Variants in ATP10B observed in about 807,000 individuals in gnomAD.
ATP10B encodes phospholipid-transporting ATPase VB.
Under a neutral mutation model 141.2 loss-of-function variants are expected in ATP10B, and 122 were observed. The ratio of observed to expected loss-of-function variants is 0.86; its 90% CI spans 0.75 to 1.00. ATP10B has a LOEUF of 1.00. Ranked by LOEUF, ATP10B falls within the 50% of genes least tolerant of loss-of-function variation. ATP10B has a pLI of 0.00. For missense variants in ATP10B, 1,876 were observed against 1,825.3 expected (o/e 1.03, Z -0.51); for synonymous variants, 685 against 692.0 (o/e 0.99, Z 0.16).
At chr5:160,636,395 AG>A in intron 10 of ATP10B, 86 bp from the exon 11 acceptor site, 1 of 1,438,530 alleles carries the variant, frequency 7.0e-7, no homozygotes, top group Non-Finnish European at 9.5e-7. Context: ...ACACATTCCT[AG>A]AAATGGGTGT....
chr5:160,634,462 C>T lies in ATP10B; in HGVS notation c.1273G>A (p.Gly425Ser), dbSNP rs1405930204. 2 of 1,614,082 alleles carry T rather than the reference C, an allele frequency of 1.2e-6. No individual in the cohort carries two copies. The highest frequency in any genetic ancestry group is 1.7e-6 in the Non-Finnish European group (2 of 1,180,004). The change falls in exon 12 of 26, where the codon GGC (glycine) becomes AGC (serine). Residue 425 changes from glycine (G) to serine (S), a missense_variant. By Grantham distance (56) the Gly-to-Ser change is moderately conservative. Transcript: ENST00000327245. Reference sequence around the variant, plus strand: ...TCGGAGAAGATGTACTGGATCTGGCCCAAGTCCTCTGCGATGTTGAGGGCT... The same window carrying T: ...TCGGAGAAGATGTACTGGATCTGGCTCAAGTCCTCTGCGATGTTGAGGGCT... ...CRALNIAEDL[G>S]QIQYIFSDKT...
At chr5:160,612,642 T>C (rs1284898023) in intron 18 of ATP10B, 99 bp downstream of exon 18, 2 of 1,088,782 alleles carry the variant, frequency 1.8e-6, no homozygotes, top group East Asian at 5.0e-5. Flanking sequence ...GGTGCTTCCC[T>C]GGTGTACCCA....
chr5:160,900,190 A>G, the ATP10B span, among the ~76,000 whole-genome samples: 6 of 152,210 alleles, frequency 3.9e-5, no homozygotes, highest in East Asian at 9.6e-4. Flanking sequence ...GTAGTTCTCC[A>G]GGTTATGGAC....
chr5:160,722,718 A>C (rs1267402814), intron 2 of ATP10B, among the ~76,000 whole-genome samples: 2 of 152,236 alleles, frequency 1.3e-5, no homozygotes, highest in Admixed American at 6.5e-5. Flanking sequence ...CTTCACCCTG[A>C]CAAGGGGCCT....
In ATP10B at chr5:160,569,604, A is replaced by C. The variant is rs1438374300; in HGVS notation, c.3830T>G (p.Val1277Gly). 6.2e-7 allele frequency: 1 copy of C among 1,613,712 alleles called. No individual in the cohort carries two copies. The highest frequency in any genetic ancestry group is 1.7e-5 in the Admixed American group (1 of 59,960). The change falls in exon 25 of 26, where the codon GTC (valine) becomes GGC (glycine). Residue 1277 changes from valine to glycine, a missense_variant. Transcript: ENST00000327245. Reference sequence around the variant, plus strand: ...GGGATTGGTGGGGCTGTTGCAGATGACGCAGGTGGCATTGTACAGGAGGGA... The same window carrying C: ...GGGATTGGTGGGGCTGTTGCAGATGCCGCAGGTGGCATTGTACAGGAGGGA... ...LVSLLYNATC[V>G]ICNSPTNPYW... is the part of the protein sequence containing the mutation.
chr5:160,652,903 ATATATACATG>A (rs1209638903), intron 7 of ATP10B, among the ~76,000 whole-genome samples: 1 of 69,162 alleles, frequency 1.4e-5, no homozygotes, highest in African/African-American at 7.7e-5. Flanking sequence ...ATAATATATT[ATATATACATG>A]TATATATAAT....
chr5:160,661,904 G>T (rs924949168), intron 7 of ATP10B, among the ~76,000 whole-genome samples: 4 of 152,156 alleles, frequency 2.6e-5, no homozygotes, highest in Admixed American at 6.5e-5. Context: ...AAGCCCCATC[G>T]TCTCAGCTCA....
chr5:160,649,618 G>C (rs1458328296), intron 7 of ATP10B, among the ~76,000 whole-genome samples: 17 of 152,172 alleles, frequency 1.1e-4, no homozygotes, highest in Non-Finnish European at 2.4e-4. Flanking sequence ...TTTAGCATTT[G>C]AAGTGTGGTA....
intron 12 of ATP10B, 43 bp from the exon 13 acceptor site, chr5:160,632,410 C>T: frequency 6.3e-7 from 1 of 1,583,232 alleles, no homozygotes; most frequent in Non-Finnish European, 8.7e-7. Context: ...TGTACCTCGG[C>T]TGGACCATGT....
At chr5:160,658,526 A>C (rs527701893) in intron 7 of ATP10B, among the ~76,000 whole-genome samples, 1 of 152,182 alleles carries the variant, frequency 6.6e-6, no homozygotes, top group South Asian at 2.1e-4. Context: ...CCACAGACCA[A>C]TTTCAAACAT....
At chr5:160,653,720 CATATATATTAT>C (rs1561706124) in intron 7 of ATP10B, among the ~76,000 whole-genome samples, 2 of 123,234 alleles carry the variant, frequency 1.6e-5, no homozygotes, top group African/African-American at 6.2e-5. Context: ...TACATATATA[CATATATATTAT>C]ATATACATAT....
At chr5:160,598,300 T>C (rs1299349793) in intron 22 of ATP10B, among the ~76,000 whole-genome samples, 1 of 151,710 alleles carries the variant, frequency 6.6e-6, no homozygotes, top group Admixed American at 6.6e-5. Context: ...AAAAACCAAA[T>C]ACCACATGTT....
At chr5:160,683,987 T>C (rs945241618) in intron 6 of ATP10B, among the ~76,000 whole-genome samples, 3 of 152,244 alleles carry the variant, frequency 2.0e-5, no homozygotes, top group Non-Finnish European at 4.4e-5. Context: ...ATTAAATAAA[T>C]GTCTAATGAC....
In ATP10B at chr5:160,612,915, C is replaced by A. The variant is rs770488838; in HGVS notation, c.2664G>T (p.Gly888=). 7 of 1,612,954 alleles carry A rather than the reference C, an allele frequency of 4.3e-6. No individual in the cohort carries two copies. Among genetic ancestry groups the A allele is most frequent in the Non-Finnish European group, 5.1e-6 (6 of 1,179,538 alleles). ...ENQLTLLGAT[G]IEDRLQEGVP... ...CTCCTTCCTGCAGCCGGTCTTCGAT[C>A]CCAGTGGCTCCTGGAGTGATGAAAA... is the stretch of plus-strand genomic sequence containing the variant. The change falls in exon 18 of 26, where the codon GGG becomes GGT. Residue 888 remains glycine, a synonymous_variant. Transcript: ENST00000327245.
At chr5:160,716,290 G>A (rs956773884) in intron 3 of ATP10B, among the ~76,000 whole-genome samples, 1 of 152,048 alleles carries the variant, frequency 6.6e-6, no homozygotes, top group African/African-American at 2.4e-5. Flanking sequence ...CTTATTAAGG[G>A]TTAACTATTA....
intron 2 of ATP10B, among the ~76,000 whole-genome samples, chr5:160,753,380 C>T (rs1472975163): frequency 6.6e-6 from 1 of 152,188 alleles, no homozygotes; most frequent in Admixed American, 6.5e-5. Flanking sequence ...TGCATGCTTG[C>T]TCCTGAGCTG....
intron 9 of ATP10B, among the ~76,000 whole-genome samples, chr5:160,641,561 G>C (rs930778989): frequency 3.3e-5 from 5 of 152,200 alleles, no homozygotes; most frequent in African/African-American, 1.2e-4. Flanking sequence ...GTCAATGTCA[G>C]AGTCACATTG....
chr5:160,644,623 GA>G (rs1760143096), intron 8 of ATP10B, among the ~76,000 whole-genome samples: 1 of 152,120 alleles, frequency 6.6e-6, no homozygotes. Context: ...TGATGAGAGT[GA>G]CCTCTGGTTG....
At position 160,565,830 on chromosome 5, in the gene ATP10B, G is replaced by A; in HGVS notation, c.4009C>T (p.Leu1337Phe). 3 of 1,614,052 alleles carry A rather than the reference G, an allele frequency of 1.9e-6. No individual in the cohort carries two copies. Among genetic ancestry groups the A allele is most frequent in the Non-Finnish European group, 2.5e-6 (3 of 1,179,948 alleles). ...TCCAGGTTTCTTTTGTCTGGGGGGA[G>A]TTTGTCAATTTTCTGAGCTTTTGAG... ...LISKAQKIDK[L>F]PPDKRNLEIQ... The change falls in exon 26 of 26, where the codon CTC becomes TTC. Residue 1337 changes from leucine (L) to phenylalanine (F), a missense_variant. By Grantham distance (22) the Leu-to-Phe change is conservative (BLOSUM62 0). Transcript: ENST00000327245.
Sources: gnomAD v4.1 joint callset for allele counts (sites outside exome capture counted in the v4.1 genomes callset) on GRCh38, gnomAD v4.1.1 for gene constraint, MANE v1.5 for transcripts, NCBI Gene and HGNC (gene_info 2026-07-23, HGNC 2026-07-21) for gene names.